Variants in FNBP1 observed in about 807,000 individuals in gnomAD.
FNBP1 encodes formin binding protein 1, also known as formin-binding protein 1.
In FNBP1, 26 loss-of-function variants were observed where a neutral mutation model predicts 90.6. The observed-to-expected ratio is 0.29, with a 90% CI of 0.21 to 0.40. The LOEUF (loss-of-function observed/expected upper bound fraction) is 0.40. FNBP1 is among the 10% of genes least tolerant of loss of function. The pLI, the probability that FNBP1 is intolerant of heterozygous loss-of-function variation, is 1.00. For synonymous variants in FNBP1, 260 were observed against 265.2 expected (o/e 0.98, Z 0.19); for missense variants, 635 against 768.0 (o/e 0.83, Z 2.05).
intron 1 of FNBP1, among the ~76,000 whole-genome samples, chr9:129,997,922 C>T (rs1375527757): frequency 6.6e-6 from 1 of 152,094 alleles, no homozygotes; most frequent in Non-Finnish European, 1.5e-5. Context: ...CGCGGTGGCT[C>T]ACATCCAAAA....
chr9:130,025,646 G>A (rs1251799114), intron 1 of FNBP1, among the ~76,000 whole-genome samples: 1 of 152,194 alleles, frequency 6.6e-6, no homozygotes, highest in Non-Finnish European at 1.5e-5. Context: ...ATGGAAGGCC[G>A]GGCGCAGTGG....
chr9:129,927,227 C>G lies in FNBP1; in HGVS notation c.757G>C (p.Val253Leu). The G allele has an allele frequency of 6.2e-7, 1 of 1,613,972 alleles. No individual in the cohort carries two copies. Among genetic ancestry groups the G allele is most frequent in the African/African-American group, 1.3e-5 (1 of 75,058 alleles). The change falls in exon 8 of 17, where the codon GTA (valine) becomes CTA (leucine). Residue 253 changes from valine to leucine, a missense_variant. Physicochemically the swap from Val to Leu is conservative, Grantham distance 32 (BLOSUM62 1). Transcript: ENST00000446176. ...TGATCAATTGATTCGGCTGCTTTTA[C>G]TATTCCATCCAGGCACTTCCCAATG... ...PIIGKCLDGI[V>L]KAAESIDQKN...
chr9:129,926,891 G>GAAAAAAAAAAAA (rs796179806), intron 8 of FNBP1, among the ~76,000 whole-genome samples: 1 of 88,582 alleles, frequency 1.1e-5, no homozygotes. Flanking sequence ...ATCTCAAAAA[G>GAAAAAAAAAAAA]AAAAAAAAAA....
intron 1 of FNBP1, among the ~76,000 whole-genome samples, chr9:130,024,435 G>T (rs1011596170): frequency 6.6e-6 from 1 of 152,088 alleles, no homozygotes; most frequent in African/African-American, 2.4e-5. Context: ...GACCCTGCCT[G>T]TCTCAGACTA....
At chr9:129,896,588 T>A (rs2035797092) in intron 15 of FNBP1, among the ~76,000 whole-genome samples, 1 of 152,078 alleles carries the variant, frequency 6.6e-6, no homozygotes, top group African/African-American at 2.4e-5. Context: ...TTCACCATGT[T>A]GGTCAGGCTG....
At chr9:129,919,767 CA>C (rs2040813717) in intron 10 of FNBP1, among the ~76,000 whole-genome samples, 1 of 152,096 alleles carries the variant, frequency 6.6e-6, no homozygotes, top group Non-Finnish European at 1.5e-5. Context: ...ATAATAAAAT[CA>C]CAGATTTGTT....
chr9:130,049,414 CA>C, the FNBP1 span, among the ~76,000 whole-genome samples: 1 of 151,834 alleles, frequency 6.6e-6, no homozygotes, highest in Non-Finnish European at 1.5e-5. Context: ...AATGCTACTT[CA>C]AAGGTTATTG....
intron 1 of FNBP1, among the ~76,000 whole-genome samples, chr9:130,016,019 T>C (rs141939008): frequency 6.6e-6 from 1 of 152,378 alleles, no homozygotes; most frequent in Admixed American, 6.5e-5. Flanking sequence ...AACTGTTCTC[T>C]TCTTAATCTT....
rs2047167100 is a variant in FNBP1 at position 129,957,694 on chromosome 9, G to A, written c.409-230C>T. ...AGCCTCACTAGCTGCTGTGACTACA[G>A]GCATGCACCACCATGCCCAGCTAAT... On this transcript the variant is annotated intron_variant, in intron 5 of 16. Coordinates refer to ENST00000446176, the MANE Select transcript of FNBP1 (RefSeq NM_015033.3). This position sits in a 1 kb window ranked among gnomAD's most constrained non-coding sequence, Gnocchi z 4.3. 6.6e-6 allele frequency among the ~76,000 whole-genome samples: 1 copy of A among 152,042 alleles called. No homozygotes were observed. The highest frequency in any genetic ancestry group is 2.4e-5 in the African/African-American group (1 of 41,388).
At chr9:130,037,778 ATATT>A (rs1429787915) in intron 1 of FNBP1, among the ~76,000 whole-genome samples, 1 of 152,194 alleles carries the variant, frequency 6.6e-6, no homozygotes, top group African/African-American at 2.4e-5. Flanking sequence ...AATTATATAT[ATATT>A]TTACAACTGC....
Position 130,042,899 on chromosome 9 carries a change from G to A in FNBP1, c.24+53C>T. 8.4e-7 allele frequency: 1 copy of A among 1,185,944 alleles called. No homozygotes were observed. Among genetic ancestry groups the A allele is most frequent in the Non-Finnish European group, 1.1e-6 (1 of 946,234 alleles). 73.5% of individuals were successfully genotyped at this position (1,185,944 alleles called of 1,614,324 possible). A position where few individuals can be genotyped will look rare whatever the true frequency, so the allele number is the denominator to read the frequency against. ...GCCCGCGCCCCCTCCCCAGGCCGCGGGGAAACGCAGCGCGCGCCCCGCATC... is the reference window on the plus strand; with the variant it reads ...GCCCGCGCCCCCTCCCCAGGCCGCGAGGAAACGCAGCGCGCGCCCCGCATC... On this transcript the variant is annotated intron_variant, in intron 1 of 16. Transcript: ENST00000446176. This position sits in a 1 kb window ranked among gnomAD's most constrained non-coding sequence, Gnocchi z 5.5.
At chr9:129,986,049 T>C (rs1222335860) in intron 2 of FNBP1, among the ~76,000 whole-genome samples, 2 of 148,456 alleles carry the variant, frequency 1.3e-5, no homozygotes, top group Non-Finnish European at 3.0e-5. Context: ...GGCAGGAGAA[T>C]TGCTTGAACC....
chr9:129,893,089 C>T (rs552159292), intron 16 of FNBP1, among the ~76,000 whole-genome samples: 2 of 152,094 alleles, frequency 1.3e-5, no homozygotes, highest in East Asian at 3.8e-4. Flanking sequence ...TCCAGGAGTT[C>T]ACAGACTGGA....
At chr9:129,927,155 T>C in intron 8 of FNBP1, 40 bp downstream of exon 8, 2 of 1,603,616 alleles carry the variant, frequency 1.2e-6, no homozygotes, top group Non-Finnish European at 1.7e-6. Flanking sequence ...ATAATGGATC[T>C]GCAAATAGTT....
chr9:129,981,468 C>CT (rs1261163090), intron 2 of FNBP1, among the ~76,000 whole-genome samples: 1 of 152,170 alleles, frequency 6.6e-6, no homozygotes, highest in Non-Finnish European at 1.5e-5. Context: ...GTTGCTATTC[C>CT]TCTTTATTAT....
At chr9:130,024,060 C>T (rs2058107506) in intron 1 of FNBP1, among the ~76,000 whole-genome samples, 1 of 152,102 alleles carries the variant, frequency 6.6e-6, no homozygotes, top group African/African-American at 2.4e-5. Context: ...GGTCCCTCAC[C>T]CCAAGCTTGT....
chr9:129,982,170 C>A (rs2051361930), intron 2 of FNBP1, among the ~76,000 whole-genome samples: 1 of 152,182 alleles, frequency 6.6e-6, no homozygotes, highest in African/African-American at 2.4e-5. Flanking sequence ...AACACCATCA[C>A]AAGGATCAAG....
In FNBP1 at chr9:129,889,783, G is replaced by GT. The variant is rs542636141; in HGVS notation, c.*755dup. 3.7e-4 allele frequency: 85 copies of GT among 232,490 alleles called. No homozygotes were observed. In the South Asian group the frequency reaches 6.6e-3, roughly 18 times the overall value. 14.4% of individuals were successfully genotyped at this position (232,490 alleles called of 1,614,324 possible). A position where few individuals can be genotyped will look rare whatever the true frequency, so the allele number is the denominator to read the frequency against. ...CCTCATGGCCGGTGGACACAGGCGA[G>GT]TCAACAAGGCGAGCTGGAATTCGAC... is the stretch of plus-strand genomic sequence containing the variant. On this transcript the variant is annotated 3_prime_UTR_variant, in exon 17 of 17. Coordinates refer to ENST00000446176, the MANE Select transcript of FNBP1 (RefSeq NM_015033.3).
chr9:129,913,133 G>C (rs558688199), intron 11 of FNBP1, among the ~76,000 whole-genome samples: 1 of 151,996 alleles, frequency 6.6e-6, no homozygotes, highest in Non-Finnish European at 1.5e-5. Context: ...GCTTCAACCC[G>C]GGAGGCGGAG....
Sources: gnomAD v4.1 joint callset for allele counts (sites outside exome capture counted in the v4.1 genomes callset) on GRCh38, gnomAD v4.1.1 for gene constraint, Gnocchi (gnomAD v3.1) non-coding constraint, MANE v1.5 for transcripts, NCBI Gene and HGNC (gene_info 2026-07-23, HGNC 2026-07-21) for gene names.